DDX4: variants seen among roughly 807,000 people sequenced by gnomAD.
The protein encoded by DDX4 is probable ATP-dependent RNA helicase DDX4.
A neutral mutation model predicts 100.0 loss-of-function variants in DDX4; 25 were observed. The observed-to-expected ratio is 0.25, with a 90% CI of 0.18 to 0.35. The LOEUF is 0.35. Among genes scored for constraint, DDX4 ranks in the 10% least tolerant of loss-of-function variants. The pLI is 1.00. For synonymous variants in DDX4, 259 were observed against 275.7 expected, an observed-to-expected ratio of 0.94 and a Z score of 0.60; for missense variants, 635 against 882.4, an observed-to-expected ratio of 0.72 and a Z score of 3.55.
Position 55,780,082 on chromosome 5 carries a change from C to T in DDX4, c.496+17C>T, listed in dbSNP as rs372582129. The T allele has an allele frequency of 3.7e-6, 6 of 1,611,896 alleles. No homozygotes were observed. In the African/African-American group the frequency reaches 8.0e-5, roughly 22 times the overall value. On this transcript the variant is annotated intron_variant, in intron 8 of 21. Coordinates refer to ENST00000505374, the MANE Select transcript of DDX4 (RefSeq NM_024415.3). The stretch of plus-strand genomic sequence containing the variant: ...GAAGTCCAAGTTAGTACTGGATTTG[C>T]AAATGATGTGCTTCATTAACTGTTA...
chr5:55,753,050 ATTTG>A (rs1199077019), intron 3 of DDX4, among the ~76,000 whole-genome samples: 17 of 151,544 alleles, frequency 1.1e-4, no homozygotes, highest in East Asian at 3.9e-4. Flanking sequence ...TTTCTTGTAA[ATTTG>A]TTTGAGTTCA....
chr5:55,775,209 A>G (rs913235232), intron 7 of DDX4, among the ~76,000 whole-genome samples: 2 of 152,188 alleles, frequency 1.3e-5, no homozygotes. Context: ...CATTTCTTTT[A>G]ATGGTTGAAT....
chr5:55,749,984 CAA>C (rs56883424), intron 3 of DDX4, among the ~76,000 whole-genome samples: 27 of 123,250 alleles, frequency 2.2e-4, no homozygotes, highest in African/African-American at 3.1e-4. Context: ...TTATTCAGAG[CAA>C]AAAAAAAAAA....
At chr5:55,787,782 T>TA (rs1415563049) in intron 14 of DDX4, 64 bp from the exon 15 acceptor site, 2 of 1,545,710 alleles carry the variant, frequency 1.3e-6, no homozygotes, top group African/African-American at 2.8e-5. Flanking sequence ...ACATGAGGAT[T>TA]AGCTTTCCAT....
At chr5:55,758,341 T>G (rs1561485801) in intron 3 of DDX4, among the ~76,000 whole-genome samples, 1 of 152,362 alleles carries the variant, frequency 6.6e-6, no homozygotes, top group East Asian at 1.9e-4. Context: ...TATTTGTTTT[T>G]GAGATTTTGT....
chr5:55,778,561 AT>A (rs1561497168), intron 7 of DDX4, among the ~76,000 whole-genome samples: 2 of 152,210 alleles, frequency 1.3e-5, no homozygotes, highest in African/African-American at 4.8e-5. Context: ...GTAAAAGAAA[AT>A]GAGGTAGTTT....
intron 18 of DDX4, among the ~76,000 whole-genome samples, chr5:55,808,222 A>T (rs1055912242): frequency 7.3e-5 from 11 of 151,532 alleles, no homozygotes; most frequent in Non-Finnish European, 1.6e-4. Flanking sequence ...CATTCGTCTA[A>T]TTTTTTTTCA....
chr5:55,803,682 T>C (rs553237110), intron 18 of DDX4, among the ~76,000 whole-genome samples: 26 of 152,202 alleles, frequency 1.7e-4, no homozygotes, highest in Admixed American at 1.7e-3. Flanking sequence ...ATGCACAGTA[T>C]TCCATGGTGT....
intron 4 of DDX4, among the ~76,000 whole-genome samples, chr5:55,761,614 C>G (rs1261245337): frequency 7.0e-6 from 1 of 142,910 alleles, no homozygotes; most frequent in Non-Finnish European, 1.5e-5. Context: ...TTTTTTTTTT[C>G]TTTTTCTTTT....
intron 18 of DDX4, 81 bp downstream of exon 18, chr5:55,798,652 T>A: frequency 7.5e-7 from 1 of 1,331,774 alleles, no homozygotes; most frequent in Non-Finnish European, 1.0e-6. Flanking sequence ...AAGAATTGTT[T>A]GGTCTGACTT....
At chr5:55,780,171 G>T (rs145047985) in intron 8 of DDX4, 106 bp downstream of exon 8, 13 of 1,492,818 alleles carry the variant, frequency 8.7e-6, no homozygotes, top group Non-Finnish European at 1.2e-5. Context: ...TATGAGAATA[G>T]CTTAGCTCAG....
intron 8 of DDX4, 80 bp downstream of exon 8, chr5:55,780,145 G>T: frequency 1.3e-6 from 2 of 1,548,538 alleles, no homozygotes; most frequent in African/African-American, 1.4e-5. Context: ...ATCAAAGAAG[G>T]TTGTTATGAG....
intron 6 of DDX4, among the ~76,000 whole-genome samples, chr5:55,765,413 A>AAAATATATATATATATATAT (rs1392558099): frequency 5.1e-4 from 42 of 82,984 alleles, no homozygotes; most frequent in African/African-American, 2.4e-3. Context: ...AAAAAAAAAA[A>AAAATATATATATATATATAT]ATATATATAT....
chr5:55,755,496 A>T (rs1759867685), intron 3 of DDX4, among the ~76,000 whole-genome samples: 1 of 151,886 alleles, frequency 6.6e-6, no homozygotes, highest in South Asian at 2.1e-4. Context: ...GCCTTACGTG[A>T]CTCTTTTATT....
At chr5:55,792,410 G>T (rs2112059684) in intron 16 of DDX4, among the ~76,000 whole-genome samples, 1 of 150,990 alleles carries the variant, frequency 6.6e-6, no homozygotes, top group Non-Finnish European at 1.5e-5. Context: ...GCCCAGGCTG[G>T]AGTGCAGTGG....
rs543292709 is a variant in DDX4 at position 55,796,864 on chromosome 5, A to G, written c.1470-1562A>G. ...TTTTTTTTTTTTTTTTTTTGGAGAC[A>G]AGGTCTCACTCTTCTCGCCCAGGCT... is the stretch of plus-strand genomic sequence containing the variant. On this transcript the variant is annotated intron_variant, in intron 17 of 21. Transcript: ENST00000505374. Among the ~76,000 whole-genome samples, 7 of 87,870 alleles carry G rather than the reference A, an allele frequency of 8.0e-5. No individual in the cohort carries two copies. In the East Asian group the frequency reaches 2.1e-3, roughly 27 times the overall value. 57.6% of individuals were successfully genotyped at this position (87,870 alleles called of 152,430 possible). A position where few individuals can be genotyped will look rare whatever the true frequency, so the allele number is the denominator to read the frequency against.
intron 7 of DDX4, 124 bp downstream of exon 7, chr5:55,768,064 A>G (rs928507586): frequency 1.3e-5 from 11 of 859,524 alleles, no homozygotes; most frequent in Non-Finnish European, 1.7e-5. Context: ...ATACTTTGGT[A>G]TATGTTTTCT....
chr5:55,755,363 T>C (rs892793537), intron 3 of DDX4, among the ~76,000 whole-genome samples: 2 of 152,188 alleles, frequency 1.3e-5, no homozygotes, highest in African/African-American at 4.8e-5. Flanking sequence ...ATTTGTTTTG[T>C]TCAGGAATGG....
Position 55,765,971 on chromosome 5 carries a change from ATT to A in DDX4, c.335-1892_335-1891del, listed in dbSNP as rs34999279. Among the ~76,000 whole-genome samples, 545 of 131,358 alleles carry A rather than the reference ATT, an allele frequency of 4.1e-3. 7 individuals carry two copies. The highest frequency in any genetic ancestry group is 0.013 in the African/African-American group (471 of 35,166). The allele number at this position is 131,358 out of a possible 152,430, so 86.2% of individuals were successfully genotyped here. A position where few individuals can be genotyped will look rare whatever the true frequency, so the allele number is the denominator to read the frequency against. On this transcript the variant is annotated intron_variant, in intron 6 of 21. Transcript: ENST00000505374. ...AGGGGCCCGCCATCACGCCCGACTAATTTTTTTTTTTTTTTTTTTGTATTTTT... is the reference window on the plus strand; with the variant it reads ...AGGGGCCCGCCATCACGCCCGACTAATTTTTTTTTTTTTTTTTGTATTTTT...
Sources: gnomAD v4.1 joint callset for allele counts (sites outside exome capture counted in the v4.1 genomes callset) on GRCh38, gnomAD v4.1.1 for gene constraint, MANE v1.5 for transcripts, NCBI Gene and HGNC (gene_info 2026-07-23, HGNC 2026-07-21) for gene names.